TSC22D3: variants seen among roughly 807,000 people sequenced by gnomAD.
TSC22D3 encodes TSC22 domain family protein 3.
A neutral mutation model predicts 11.1 loss-of-function variants in TSC22D3; 4 were observed. That is an observed-to-expected ratio of 0.36 (90% confidence interval 0.18 to 0.83). The LOEUF (loss-of-function observed/expected upper bound fraction) is 0.83. Ranked by LOEUF, TSC22D3 falls within the 40% of genes least tolerant of loss-of-function variation. The pLI is 0.48. For missense variants in TSC22D3, 118 were observed against 159.4 expected, an observed-to-expected ratio of 0.74 and a Z score of 1.40; for synonymous variants, 77 against 70.3, an observed-to-expected ratio of 1.10 and a Z score of -0.48.
At chrX:107,742,664 T>C (rs1219214067) in intron 1 of TSC22D3, among the ~76,000 whole-genome samples, 3 of 111,471 alleles carry the variant, frequency 2.7e-5, no homozygotes, top group Non-Finnish European at 5.7e-5. Context: ...GCAAGGGGAC[T>C]TGAAGGCATC....
At chrX:107,747,740 C>A (rs1445581113) in intron 1 of TSC22D3, among the ~76,000 whole-genome samples, 1 of 112,773 alleles carries the variant, frequency 8.9e-6, no homozygotes, top group African/African-American at 3.2e-5. Flanking sequence ...TGCCAGACAT[C>A]CAATTTTCTG....
At chrX:107,728,581 A>G (rs1927749767) in intron 1 of TSC22D3, among the ~76,000 whole-genome samples, 1 of 112,155 alleles carries the variant, frequency 8.9e-6, no homozygotes, top group African/African-American at 3.2e-5. Flanking sequence ...AGCTGGCACC[A>G]ATATCAAAGA....
intron 1 of TSC22D3, among the ~76,000 whole-genome samples, chrX:107,767,956 AC>A (rs1234691688): frequency 9.0e-6 from 1 of 111,728 alleles, no homozygotes; most frequent in Non-Finnish European, 1.9e-5. Flanking sequence ...CACACAAAAT[AC>A]CCCATCAAAT....
At chrX:107,755,769 A>G (rs60754157) in intron 1 of TSC22D3, among the ~76,000 whole-genome samples, 1,930 of 112,330 alleles carry the variant, frequency 0.017, 41 homozygotes, top group African/African-American at 0.059. Context: ...GAGAAATATT[A>G]TAACCTCTTG....
At chrX:107,735,642 C>T (rs184288217) in intron 1 of TSC22D3, among the ~76,000 whole-genome samples, 1 of 110,631 alleles carries the variant, frequency 9.0e-6, no homozygotes, top group East Asian at 2.9e-4. Context: ...ACTGAACATG[C>T]GTTAATGTCC....
intron 1 of TSC22D3, chrX:107,716,545 T>TGGGCCCCCCCCC: frequency 2.5e-6 from 2 of 796,140 alleles, no homozygotes; most frequent in Non-Finnish European, 3.0e-6. Flanking sequence ...CCTTCCTGCG[T>TGGGCCCCCCCCC]CCCCTCCCCC....
At chrX:107,769,603 A>T (rs1454179950) in intron 1 of TSC22D3, among the ~76,000 whole-genome samples, 2 of 111,403 alleles carry the variant, frequency 1.8e-5, no homozygotes, top group Non-Finnish European at 3.8e-5. Context: ...AATGCTACTG[A>T]ATCGTACACT....
At chrX:107,725,991 T>G (rs1927601698) in intron 1 of TSC22D3, among the ~76,000 whole-genome samples, 1 of 111,557 alleles carries the variant, frequency 9.0e-6, no homozygotes, top group Non-Finnish European at 1.9e-5. Context: ...AATTCCCAGG[T>G]GAGCTGAAGG....
At chrX:107,747,966 C>T (rs1414921522) in intron 1 of TSC22D3, among the ~76,000 whole-genome samples, 1 of 112,127 alleles carries the variant, frequency 8.9e-6, no homozygotes, top group Non-Finnish European at 1.9e-5. Context: ...CCCTATCATA[C>T]CCCAGGCCCT....
rs186766338 is a variant in TSC22D3, at chrX:107,748,441, A to C, written c.320+26659T>G. On this transcript the variant is annotated intron_variant, in intron 1 of 2. Transcript: ENST00000372383. ...CAGCTCAGAAGCCCCAGAAGTCACC[A>C]TCATGGAGAAGGAAAAATCGCTGCC... Among the ~76,000 whole-genome samples the C allele has an allele frequency of 4.9e-3, 553 of 111,816 alleles. 2 individuals are homozygous for C. The highest frequency in any genetic ancestry group is 7.8e-3 in the Non-Finnish European group (416 of 53,122).
intron 1 of TSC22D3, among the ~76,000 whole-genome samples, chrX:107,772,775 C>A (rs924713003): frequency 1.1e-4 from 12 of 111,461 alleles, no homozygotes; most frequent in Non-Finnish European, 1.9e-4. Flanking sequence ...CGATGGAGCC[C>A]AGGAGTTTGA....
intron 1 of TSC22D3, among the ~76,000 whole-genome samples, chrX:107,731,424 T>C (rs1927877066): frequency 8.9e-6 from 1 of 111,734 alleles, no homozygotes; most frequent in Non-Finnish European, 1.9e-5. Flanking sequence ...TGGGCCCATT[T>C]CCCCTAATTG....
At chrX:107,747,668 T>C (rs1468345840) in intron 1 of TSC22D3, among the ~76,000 whole-genome samples, 1 of 113,224 alleles carries the variant, frequency 8.8e-6, no homozygotes, top group Non-Finnish European at 1.9e-5. Context: ...CATGGAGCAC[T>C]GTCCCAGACA....
chrX:107,715,629 C>A, intron 2 of TSC22D3: 1 of 412,631 alleles, frequency 2.4e-6, no homozygotes, highest in Non-Finnish European at 4.3e-6. Flanking sequence ...CCCTGCCCAA[C>A]AACAGGCCCA....
intron 1 of TSC22D3, among the ~76,000 whole-genome samples, chrX:107,738,902 C>A (rs1016510990): frequency 9.0e-6 from 1 of 110,991 alleles, no homozygotes; most frequent in African/African-American, 3.3e-5. Context: ...GCAAACGGCA[C>A]GCAGCAGGGG....
chrX:107,755,517 A>G (rs754381723), intron 1 of TSC22D3, among the ~76,000 whole-genome samples: 1 of 112,814 alleles, frequency 8.9e-6, no homozygotes, highest in South Asian at 3.6e-4. Context: ...GGTGAGCCCT[A>G]GGAGGAAGCA....
intron 1 of TSC22D3, chrX:107,721,922 C>T (rs1258389194): frequency 2.0e-6 from 1 of 506,274 alleles, no homozygotes. Context: ...TTAATTTGTC[C>T]TTGCTTCTCG....
intron 1 of TSC22D3, among the ~76,000 whole-genome samples, chrX:107,771,669 A>G (rs999055113): frequency 1.8e-5 from 2 of 112,973 alleles, no homozygotes; most frequent in Non-Finnish European, 3.7e-5. Flanking sequence ...ATGCAGGTAC[A>G]TTGTGAATGT....
chrX:107,771,805 G>A (rs1373162893), intron 1 of TSC22D3, among the ~76,000 whole-genome samples: 2 of 112,100 alleles, frequency 1.8e-5, no homozygotes, highest in Non-Finnish European at 3.8e-5. Flanking sequence ...CATACCAACA[G>A]GCTGCATGCC....
Sources: allele counts gnomAD v4.1 joint callset (sites outside exome capture counted in the v4.1 genomes callset), GRCh38; gene constraint gnomAD v4.1.1; transcripts MANE v1.5; gene names NCBI Gene and HGNC (gene_info 2026-07-23, HGNC 2026-07-21).